The following LEPR variants were observed in gnomAD, a reference collection of about 807,000 sequenced individuals.
The protein encoded by LEPR is OB receptor.
A neutral mutation model predicts 114.7 loss-of-function variants in LEPR; 56 were observed. The observed-to-expected ratio is 0.49, with a 90% CI of 0.39 to 0.61. LEPR has a LOEUF of 0.61. LEPR is among the 20% of genes least tolerant of loss of function. The probability of loss-of-function intolerance (pLI) is 0.00; values close to 1 mark genes in which losing one functional copy is unlikely to be tolerated. For synonymous variants in LEPR, 443 were observed against 461.4 expected (o/e 0.96, Z 0.51); for missense variants, 1,202 against 1,352.9 (o/e 0.89, Z 1.75).
chr1:65,540,346 G>A (rs1651102529), intron 2 of LEPR, among the ~76,000 whole-genome samples: 1 of 152,148 alleles, frequency 6.6e-6, no homozygotes, highest in Non-Finnish European at 1.5e-5. Flanking sequence ...CTCCAGTGTT[G>A]GTGGTGGGGC....
chr1:65,612,878 T>C (rs1208218138), intron 14 of LEPR, among the ~76,000 whole-genome samples: 1 of 152,196 alleles, frequency 6.6e-6, no homozygotes, highest in African/African-American at 2.4e-5. Context: ...CTTACCATAG[T>C]TGATGTTAAC....
At chr1:65,598,985 G>A (rs1178230258) in intron 8 of LEPR, among the ~76,000 whole-genome samples, 181 bp downstream of exon 8, 2 of 152,006 alleles carry the variant, frequency 1.3e-5, no homozygotes, top group African/African-American at 4.8e-5. Flanking sequence ...GAGCCTCTAG[G>A]CTTGTGTGTT....
intron 2 of LEPR, chr1:65,433,762 C>G: frequency 1.1e-6 from 1 of 918,440 alleles, no homozygotes; most frequent in African/African-American, 1.8e-5. Flanking sequence ...AATAATGACA[C>G]TTGCATTTAT....
chr1:65,432,443 G>A, intron 2 of LEPR: 2 of 645,174 alleles, frequency 3.1e-6, no homozygotes, highest in Non-Finnish European at 3.9e-6. Flanking sequence ...AGATCCAAAG[G>A]AGTTGTATGC....
chr1:65,476,796 C>T (rs776452597), intron 2 of LEPR, among the ~76,000 whole-genome samples: 5 of 152,124 alleles, frequency 3.3e-5, no homozygotes, highest in Admixed American at 6.5e-5. Context: ...TTAAAAAATA[C>T]GTATAACTTA....
At chr1:65,615,145 T>C (rs1657449768) in intron 14 of LEPR, among the ~76,000 whole-genome samples, 1 of 152,206 alleles carries the variant, frequency 6.6e-6, no homozygotes, top group Non-Finnish European at 1.5e-5. Flanking sequence ...GGGATACATG[T>C]ATATGTGTTT....
chr1:65,465,159 G>T (rs886365821), intron 2 of LEPR, among the ~76,000 whole-genome samples: 9 of 152,072 alleles, frequency 5.9e-5, no homozygotes, highest in Non-Finnish European at 1.2e-4. Flanking sequence ...CTTGTGGGCA[G>T]TTAGTGCTAT....
At chr1:65,627,951 T>C (rs1658314119) in intron 19 of LEPR, among the ~76,000 whole-genome samples, 1 of 152,154 alleles carries the variant, frequency 6.6e-6, no homozygotes. Flanking sequence ...ATTTTCAAAA[T>C]CTTCCCTAAA....
At chr1:65,566,977 G>C (rs1653809933) in intron 3 of LEPR, among the ~76,000 whole-genome samples, 1 of 152,154 alleles carries the variant, frequency 6.6e-6, no homozygotes, top group Non-Finnish European at 1.5e-5. Flanking sequence ...TAAGGGAACT[G>C]TTCATTCTCT....
intron 2 of LEPR, among the ~76,000 whole-genome samples, chr1:65,542,545 C>T (rs1022685023): frequency 5.9e-5 from 9 of 151,348 alleles, no homozygotes; most frequent in African/African-American, 1.5e-4. Context: ...ACACATGCCA[C>T]GGTGGTTTGC....
At chr1:65,603,476 C>T (rs1246745974) in intron 10 of LEPR, among the ~76,000 whole-genome samples, 4 of 152,108 alleles carry the variant, frequency 2.6e-5, no homozygotes, top group Non-Finnish European at 4.4e-5. Context: ...TTCCTCACTC[C>T]CATCTCTTTG....
chr1:65,530,098 C>T (rs964307603), intron 2 of LEPR, among the ~76,000 whole-genome samples: 11 of 152,158 alleles, frequency 7.2e-5, no homozygotes, highest in African/African-American at 1.9e-4. Flanking sequence ...TAGGCATCTC[C>T]AGTTCAAATT....
chr1:65,437,290 C>A (rs1263634522), intron 2 of LEPR, among the ~76,000 whole-genome samples: 1 of 152,070 alleles, frequency 6.6e-6, no homozygotes, highest in Non-Finnish European at 1.5e-5. Context: ...GATGGTATCT[C>A]AGTATGTTGC....
At chr1:65,520,205 G>A (rs1649560893) in intron 2 of LEPR, among the ~76,000 whole-genome samples, 2 of 152,122 alleles carry the variant, frequency 1.3e-5, no homozygotes, top group South Asian at 4.1e-4. Flanking sequence ...ATGATGCCCA[G>A]GCTGGTCTTG....
At chr1:65,483,063 A>G (rs1459651698) in intron 2 of LEPR, among the ~76,000 whole-genome samples, 1 of 152,016 alleles carries the variant, frequency 6.6e-6, no homozygotes, top group Non-Finnish European at 1.5e-5. Context: ...GCAGGGAAAT[A>G]TTGCTTAGAC....
intron 2 of LEPR, among the ~76,000 whole-genome samples, chr1:65,447,029 G>A (rs1570464318): frequency 2.0e-5 from 3 of 151,834 alleles, no homozygotes; most frequent in Non-Finnish European, 4.4e-5. Flanking sequence ...ACAGGATTTC[G>A]CCATGTTGCC....
intron 2 of LEPR, among the ~76,000 whole-genome samples, chr1:65,532,473 A>C (rs1267087823): frequency 6.6e-6 from 1 of 152,206 alleles, no homozygotes; most frequent in African/African-American, 2.4e-5. Flanking sequence ...CAGTAATTCT[A>C]TTCCTAGGCA....
intron 2 of LEPR, chr1:65,435,290 G>C: frequency 2.0e-6 from 2 of 984,378 alleles, no homozygotes; most frequent in Non-Finnish European, 2.4e-6. Flanking sequence ...GGCTGAAATA[G>C]TTCATTATGT....
intron 2 of LEPR, 136 bp downstream of exon 2, chr1:65,425,514 C>A: frequency 1.6e-6 from 1 of 638,388 alleles, no homozygotes; most frequent in Non-Finnish European, 2.6e-6. Flanking sequence ...TGAACACAGT[C>A]CCTTTGTGGG....
Sources: gnomAD v4.1 joint callset for allele counts (sites outside exome capture counted in the v4.1 genomes callset) on GRCh38, gnomAD v4.1.1 for gene constraint, MANE v1.5 for transcripts, NCBI Gene and HGNC (gene_info 2026-07-23, HGNC 2026-07-21) for gene names.